SULT4A1: variants seen among roughly 807,000 people sequenced by gnomAD.
The protein encoded by SULT4A1 is sulfotransferase family 4A member 1.
Under a neutral mutation model 35.2 loss-of-function variants are expected in SULT4A1, and 11 were observed. The ratio of observed to expected loss-of-function variants is 0.31; its 90% CI spans 0.20 to 0.52. The LOEUF (loss-of-function observed/expected upper bound fraction) is 0.52. Ranked by LOEUF, SULT4A1 falls within the 20% of genes least tolerant of loss-of-function variation. SULT4A1 has a pLI of 0.97. For synonymous variants in SULT4A1, 152 were observed against 151.8 expected, an observed-to-expected ratio of 1.00 and a Z score of -0.01; for missense variants, 271 against 383.7, an observed-to-expected ratio of 0.71 and a Z score of 2.45.
In SULT4A1 at chr22:43,839,960, G is replaced by A. The variant is rs149306409; in HGVS notation, c.366C>T (p.His122=). 14 of 1,608,946 alleles carry A rather than the reference G, an allele frequency of 8.7e-6. No homozygotes were observed. The highest frequency in any genetic ancestry group is 3.3e-4 in the Middle Eastern group (2 of 6,082). ...GCCAGCTTACCTTGGAGTCTCCATT[G>A]TGGAGGTCAGAGGGCAGAAAGCGGT... ...LPYRFLPSDL[H]NGDSKVIYMA... Residue 122 remains histidine, a synonymous_variant, in exon 3 of 7, where the codon CAC becomes CAT. Transcript: ENST00000330884.
intron 4 of SULT4A1, among the ~76,000 whole-genome samples, chr22:43,838,468 C>A (rs2063395724): frequency 2.0e-5 from 3 of 152,252 alleles, no homozygotes; most frequent in Non-Finnish European, 2.9e-5. Context: ...AAGGCCCATG[C>A]CTGTCACACT....
intron 5 of SULT4A1, among the ~76,000 whole-genome samples, chr22:43,831,697 C>T (rs2063327061): frequency 6.6e-6 from 1 of 152,232 alleles, no homozygotes; most frequent in Non-Finnish European, 1.5e-5. Flanking sequence ...AGCCAGACAG[C>T]AAAACCCATG....
At chr22:43,835,228 C>T (rs1308634496) in intron 4 of SULT4A1, among the ~76,000 whole-genome samples, 2 of 152,274 alleles carry the variant, frequency 1.3e-5, no homozygotes, top group African/African-American at 4.8e-5. Context: ...CAGGGACCAA[C>T]TCATGGAGTC....
At position 43,862,420 on chromosome 22, in the gene SULT4A1, T is replaced by C; in HGVS notation, c.-38A>G. The C allele has an allele frequency of 9.5e-7, 1 of 1,051,778 alleles. No homozygotes were observed. The highest frequency in any genetic ancestry group is 1.1e-6 in the Non-Finnish European group (1 of 873,510). The allele number at this position is 1,051,778 out of a possible 1,614,324, so 65.2% of individuals were successfully genotyped here. A position where few individuals can be genotyped will look rare whatever the true frequency, so the allele number is the denominator to read the frequency against. ...GCCGTCGCCGCCGCCGCCTCCCGGC[T>C]CGCAGCCCGCACGCGCCCGCGCCCG... On this transcript the variant is annotated 5_prime_UTR_variant, in exon 1 of 7. Coordinates refer to ENST00000330884, the MANE Select transcript of SULT4A1 (RefSeq NM_014351.4).
chr22:43,841,045 C>G (rs2063423260), intron 2 of SULT4A1, among the ~76,000 whole-genome samples: 1 of 152,262 alleles, frequency 6.6e-6, no homozygotes, highest in Admixed American at 6.5e-5. Flanking sequence ...TCAGTCACTG[C>G]TGCCCCCAAT....
intron 1 of SULT4A1, among the ~76,000 whole-genome samples, chr22:43,845,646 G>T (rs62226134): frequency 0.098 from 14,857 of 152,156 alleles, 792 homozygotes; most frequent in Admixed American, 0.11. Flanking sequence ...TAGTCCAGGG[G>T]TCCCCAACCC....
In SULT4A1 at chr22:43,840,013, G is replaced by C; in HGVS notation, c.313C>G (p.Pro105Ala). The change falls in exon 3 of 7, where the codon CCC becomes GCC. Residue 105 changes from proline to alanine, a missense_variant. Pro to Ala is a conservative substitution (Grantham distance 27). Around this residue, in one of 3 missense-constraint regions of SULT4A1, gnomAD observed 164 missense variants for 254.1 expected, o/e 0.65. Coordinates refer to ENST00000330884, the MANE Select transcript of SULT4A1 (RefSeq NM_014351.4). ...GLDIIKELTS[P>A]RLIKSHLPYR... ...GGCAGGTGGCTCTTGATGAGGCGGG[G>C]AGAGGTCAGTTCCTGCGTGGAGTCA... 6.2e-7 allele frequency: 1 copy of C among 1,604,476 alleles called. No individual in the cohort carries two copies.
At chr22:43,839,056 C>T in intron 3 of SULT4A1, 63 bp from the exon 4 acceptor site, 2 of 1,595,230 alleles carry the variant, frequency 1.3e-6, no homozygotes, top group South Asian at 2.2e-5. Flanking sequence ...GCTGCCCCGA[C>T]ACAGGCCAGC....
At chr22:43,860,058 C>T (rs1301184718) in intron 1 of SULT4A1, among the ~76,000 whole-genome samples, 1 of 152,180 alleles carries the variant, frequency 6.6e-6, no homozygotes, top group Non-Finnish European at 1.5e-5. Context: ...ACCAGAAAGC[C>T]CCCACCACCC....
intron 1 of SULT4A1, 149 bp from the exon 2 acceptor site, chr22:43,842,081 G>A (rs188463782): frequency 3.3e-5 from 43 of 1,285,178 alleles, no homozygotes; most frequent in Admixed American, 1.7e-4. Flanking sequence ...AGCGCGCCCC[G>A]CACGGTCTCA....
intron 4 of SULT4A1, among the ~76,000 whole-genome samples, chr22:43,837,251 C>T (rs138693831): frequency 1.0e-3 from 153 of 152,286 alleles, no homozygotes; most frequent in African/African-American, 3.6e-3. Flanking sequence ...GACCAAGGCA[C>T]GTGTGTGGGA....
chr22:43,827,511 C>G, intron 6 of SULT4A1: 1 of 1,339,732 alleles, frequency 7.5e-7, no homozygotes, highest in South Asian at 1.2e-5. Flanking sequence ...AGGAGTCACC[C>G]ACCTGGTTTA....
intron 1 of SULT4A1, among the ~76,000 whole-genome samples, chr22:43,842,645 G>T (rs954209342): frequency 1.3e-5 from 2 of 152,188 alleles, no homozygotes; most frequent in African/African-American, 2.4e-5. Context: ...ATGTGACGGA[G>T]TCCTCCCACC....
intron 3 of SULT4A1, 91 bp downstream of exon 3, chr22:43,839,854 A>T (rs926862807): frequency 8.1e-7 from 1 of 1,235,264 alleles, no homozygotes; most frequent in Admixed American, 2.0e-5. Context: ...AGGCCAGGTA[A>T]GTGCCAGGGA....
intron 5 of SULT4A1, among the ~76,000 whole-genome samples, chr22:43,830,305 G>T (rs1192022944): frequency 6.6e-6 from 1 of 152,194 alleles, no homozygotes; most frequent in Admixed American, 6.5e-5. Context: ...AAGAGATGCC[G>T]CAAGAAGGAC....
Position 43,839,944 on chromosome 22 carries a change from C to A in SULT4A1, c.381+1G>T. 6.2e-7 allele frequency: 1 copy of A among 1,605,548 alleles called. No individual in the cohort carries two copies. On this transcript the variant is annotated splice_donor_variant, in intron 3 of 6. Transcript: ENST00000330884. LOFTEE classifies it high-confidence loss of function. ...GGGAGGCAGAGGAGGTGCCAGCTTA[C>A]CTTGGAGTCTCCATTGTGGAGGTCA...
intron 1 of SULT4A1, among the ~76,000 whole-genome samples, chr22:43,844,132 T>C (rs905992408): frequency 3.9e-5 from 6 of 152,174 alleles, no homozygotes; most frequent in African/African-American, 1.4e-4. Context: ...GTGTTGACTC[T>C]TGTGTGAGAG....
chr22:43,857,142 T>A (rs960471359), intron 1 of SULT4A1, among the ~76,000 whole-genome samples: 5 of 151,620 alleles, frequency 3.3e-5, no homozygotes, highest in African/African-American at 1.2e-4. Context: ...AACAGAAACA[T>A]TGAATGCTTC....
intron 3 of SULT4A1, 26 bp downstream of exon 3, chr22:43,839,919 G>T: frequency 6.3e-7 from 1 of 1,588,736 alleles, no homozygotes; most frequent in African/African-American, 1.3e-5. Flanking sequence ...GACTCATCTC[G>T]GGAGGCAGAG....
Sources: gnomAD v4.1 joint callset for allele counts (sites outside exome capture counted in the v4.1 genomes callset) on GRCh38, gnomAD v4.1.1 for gene constraint, gnomAD v4.1.1 regional missense constraint, MANE v1.5 for transcripts, NCBI Gene and HGNC (gene_info 2026-07-23, HGNC 2026-07-21) for gene names.